Variants in EIF4B observed in about 807,000 individuals in gnomAD.
The protein encoded by EIF4B is eukaryotic translation initiation factor 4B.
EIF4B carries 8 observed loss-of-function variants against 79.3 expected under a neutral mutation model. That is an observed-to-expected ratio of 0.10 (90% CI 0.06 to 0.18). The LOEUF (loss-of-function observed/expected upper bound fraction) is 0.18, where lower values mean the gene tolerates loss of function less well. Ranked by LOEUF, EIF4B falls within the 10% of genes least tolerant of loss-of-function variation. The pLI is 1.00. For missense variants in EIF4B, 515 were observed against 792.4 expected (o/e 0.65, Z 4.20); for synonymous variants, 238 against 274.7 (o/e 0.87, Z 1.32).
intron 6 of EIF4B, among the ~76,000 whole-genome samples, 155 bp from the exon 7 acceptor site, chr12:53,027,627 G>A (rs955004943): frequency 6.6e-6 from 1 of 152,110 alleles, no homozygotes; most frequent in Non-Finnish European, 1.5e-5. Context: ...CAAATTATTA[G>A]CTGAGCAACA....
chr12:53,022,258 T>G, intron 5 of EIF4B: 1 of 704,394 alleles, frequency 1.4e-6, no homozygotes, highest in East Asian at 2.8e-5. Context: ...TTTCAGGGAC[T>G]CCTGGCCCAT....
rs115578676 is a variant in EIF4B at position 53,029,239 on chromosome 12, T to C, written c.979+1051T>C. 6.8e-3 allele frequency among the ~76,000 whole-genome samples: 1,039 copies of C among 152,260 alleles called. 11 individuals are homozygous for C. Among genetic ancestry groups the C allele is most frequent in the African/African-American group, 0.024 (981 of 41,560 alleles). On this transcript the variant is annotated intron_variant, in intron 8 of 14. Transcript: ENST00000262056. Reference sequence around the variant, plus strand: ...ATTATGCCCCTAATACTATAAGATATAAAATGTAAACTGTGTTACAAATCT... The same window carrying C: ...ATTATGCCCCTAATACTATAAGATACAAAATGTAAACTGTGTTACAAATCT...
chr12:53,033,822 C>T lies in EIF4B; in HGVS notation c.996C>T (p.Pro332=). 6.2e-7 allele frequency: 1 copy of T among 1,600,984 alleles called. No individual in the cohort carries two copies. The highest frequency in any genetic ancestry group is 8.5e-7 in the Non-Finnish European group (1 of 1,173,552). ...TTAACTTAGGTCCCCCCCAAAGACC[C>T]AAACTGAATCTAAAGCCTCGGAGTA... ...RRDDRGPPQR[P]KLNLKPRSTP... is the part of the protein sequence containing the mutation. The change falls in exon 9 of 15, where the codon CCC becomes CCT. Residue 332 remains proline (P), a synonymous_variant. Coordinates refer to ENST00000262056, the MANE Select transcript of EIF4B (RefSeq NM_001417.7).
At chr12:53,016,897 G>T (rs1456784430) in intron 2 of EIF4B, among the ~76,000 whole-genome samples, 2 of 152,118 alleles carry the variant, frequency 1.3e-5, no homozygotes, top group Non-Finnish European at 2.9e-5. Context: ...CATTTTAAAA[G>T]TAAGAACTAG....
chr12:53,011,533 G>T (rs1943063483), intron 1 of EIF4B, among the ~76,000 whole-genome samples: 1 of 152,152 alleles, frequency 6.6e-6, no homozygotes, highest in South Asian at 2.1e-4. Flanking sequence ...GGGGATCGGG[G>T]ATTACTATTG....
intron 3 of EIF4B, among the ~76,000 whole-genome samples, chr12:53,019,632 C>T: frequency 6.8e-6 from 1 of 147,108 alleles, no homozygotes; most frequent in Admixed American, 6.8e-5. Flanking sequence ...TCCCAAAGTG[C>T]TGGGACTACA....
rs777111413 is a variant in EIF4B, at chr12:53,027,136, A to ATTT, written c.668-646_668-645insTTT. Among the ~76,000 whole-genome samples the ATTT allele has an allele frequency of 6.1e-4, 18 of 29,488 alleles. 1 individual carries two copies. The East Asian group carries it at 8.3e-3, about 14-fold the overall frequency. 19.3% of individuals were successfully genotyped at this position (29,488 alleles called of 152,430 possible). A position where few individuals can be genotyped will look rare whatever the true frequency, so the allele number is the denominator to read the frequency against. Reference sequence around the variant, plus strand: ...GAGACTGTCTCTCAAAAAAAAAAAAAATTTTTTTTTTTTTTTTTTTTGAGA... The same window carrying ATTT: ...GAGACTGTCTCTCAAAAAAAAAAAAATTTATTTTTTTTTTTTTTTTTTTTGAGA... On this transcript the variant is annotated intron_variant, in intron 6 of 14. Coordinates refer to ENST00000262056, the MANE Select transcript of EIF4B (RefSeq NM_001417.7).
At chr12:53,034,508 C>T (rs911269942) in intron 9 of EIF4B, 104 bp from the exon 10 acceptor site, 5 of 1,012,508 alleles carry the variant, frequency 4.9e-6, no homozygotes, top group Non-Finnish European at 7.6e-6. Context: ...TATGCATATA[C>T]ACATATAGAT....
chr12:53,015,248 G>A (rs1482196852), intron 1 of EIF4B, among the ~76,000 whole-genome samples: 1 of 152,158 alleles, frequency 6.6e-6, no homozygotes, highest in Non-Finnish European at 1.5e-5. Context: ...GGATACCTTG[G>A]TATATAGAAA....
chr12:53,038,401 A>G lies in EIF4B; in HGVS notation c.1566A>G (p.Pro522=). Residue 522 remains proline (P), a synonymous_variant, in exon 12 of 15, where the codon CCA becomes CCG. Transcript: ENST00000262056. ...CAGCTCAACCATCTGAGGAAGGACC[A>G]GGAAGGAAAGGTGAGCTCATAGTAT... ...VAPAQPSEEG[P]GRKDENKVDG... 1.2e-6 allele frequency: 2 copies of G among 1,600,602 alleles called. No homozygotes were observed. Among genetic ancestry groups the G allele is most frequent in the South Asian group, 1.1e-5 (1 of 88,872 alleles).
intron 1 of EIF4B, among the ~76,000 whole-genome samples, chr12:53,007,446 T>A (rs1942987417): frequency 6.9e-6 from 1 of 144,640 alleles, no homozygotes; most frequent in South Asian, 2.2e-4. Flanking sequence ...TTTTTTTTTT[T>A]TTAAGGTAAC....
chr12:53,037,278 C>G, intron 10 of EIF4B, 131 bp from the exon 11 acceptor site: 2 of 938,916 alleles, frequency 2.1e-6, no homozygotes, highest in South Asian at 1.7e-5. Context: ...TTGTAAACCA[C>G]TGGTTTAGGG....
intron 1 of EIF4B, 58 bp downstream of exon 1, chr12:53,006,554 G>A: frequency 6.2e-7 from 1 of 1,612,278 alleles, no homozygotes; most frequent in Non-Finnish European, 8.5e-7. Context: ...CTCCGAGCGT[G>A]ATCCACTGAT....
intron 8 of EIF4B, among the ~76,000 whole-genome samples, chr12:53,028,644 G>T (rs1401624238): frequency 6.6e-6 from 1 of 151,410 alleles, no homozygotes; most frequent in Non-Finnish European, 1.5e-5. Flanking sequence ...TTCACAGATA[G>T]ATTTTTCAGT....
intron 3 of EIF4B, among the ~76,000 whole-genome samples, chr12:53,019,675 CTT>C (rs34225588): frequency 3.0e-5 from 4 of 132,340 alleles, no homozygotes; most frequent in Non-Finnish European, 3.2e-5. Context: ...CTGAATTAAT[CTT>C]TTTTTTTTTT....
chr12:53,021,025 T>G (rs1453651502), intron 4 of EIF4B, among the ~76,000 whole-genome samples: 1 of 152,234 alleles, frequency 6.6e-6, no homozygotes, highest in African/African-American at 2.4e-5. Context: ...TTCATTATAG[T>G]GGTGTTTAAT....
chr12:53,020,296 C>CTTACACTGAT (rs1943226958), intron 4 of EIF4B, among the ~76,000 whole-genome samples: 1 of 152,212 alleles, frequency 6.6e-6, no homozygotes, highest in African/African-American at 2.4e-5. Flanking sequence ...CTAATTAAGT[C>CTTACACTGAT]TTACACTGAT....
At chr12:53,011,462 C>G (rs1353639033) in intron 1 of EIF4B, among the ~76,000 whole-genome samples, 1 of 152,150 alleles carries the variant, frequency 6.6e-6, no homozygotes, top group Non-Finnish European at 1.5e-5. Flanking sequence ...ATCCCAAACC[C>G]TCATCCCACC....
At chr12:53,011,337 A>G (rs1257682193) in intron 1 of EIF4B, among the ~76,000 whole-genome samples, 8 of 151,928 alleles carry the variant, frequency 5.3e-5, no homozygotes, top group Admixed American at 5.3e-4. Flanking sequence ...CCTTTTTATC[A>G]CCCCCAAAGA....
Sources: allele counts gnomAD v4.1 joint callset (sites outside exome capture counted in the v4.1 genomes callset), GRCh38; gene constraint gnomAD v4.1.1; transcripts MANE v1.5; gene names NCBI Gene and HGNC (gene_info 2026-07-23, HGNC 2026-07-21).